PARG: variants seen among roughly 807,000 people sequenced by gnomAD.
PARG encodes mitochondrial poly(ADP-ribose) glycohydrolase.
In PARG, 35 loss-of-function variants were observed where a neutral mutation model predicts 113.0. The ratio of observed to expected loss-of-function variants is 0.31; its 90% CI spans 0.24 to 0.41. PARG has a LOEUF of 0.41. PARG is among the 10% of genes least tolerant of loss of function. The probability of loss-of-function intolerance (pLI) is 1.00; values close to 1 mark genes in which losing one functional copy is unlikely to be tolerated. For missense variants in PARG, 797 were observed against 1,169.4 expected (o/e 0.68, Z 4.64); for synonymous variants, 330 against 409.9 (o/e 0.81, Z 2.36).
intron 7 of PARG, among the ~76,000 whole-genome samples, chr10:49,890,251 G>A (rs1847701716): frequency 6.6e-6 from 1 of 152,100 alleles, no homozygotes; most frequent in Admixed American, 6.5e-5. Context: ...CAAGTGTTTT[G>A]ATCTGTGCGT....
Position 49,857,412 on chromosome 10 carries a change from A to G in PARG, c.2247T>C (p.Ser749=), listed in dbSNP as rs782703568. The change falls in exon 13 of 18, where the codon AGT becomes AGC. Residue 749 remains serine, a synonymous_variant. Transcript: ENST00000616448. The part of the protein sequence containing the change: ...ANRFVGGGVT[S]AGLVQEEIRF... ...GGATTTCTTCTTGCACAAGTCCTGC[A>G]CTGGTTACACCACCTCCAACAAAAC... 2.5e-6 allele frequency: 4 copies of G among 1,610,850 alleles called. No homozygotes were observed. In the South Asian group the frequency reaches 3.3e-5, roughly 13 times the overall value.
In PARG at chr10:49,841,965, T is replaced by A; in HGVS notation, c.2526A>T (p.Arg842Ser). 1 of 1,547,370 alleles carries A rather than the reference T, an allele frequency of 6.5e-7. No homozygotes were observed. The highest frequency in any genetic ancestry group is 2.4e-5 in the East Asian group (1 of 40,906). Residue 842 changes from arginine to serine, a missense_variant, in exon 15 of 18, where the codon AGA (arginine) becomes AGT (serine). Coordinates refer to ENST00000616448, the MANE Select transcript of PARG (RefSeq NM_003631.5). ...GGTTACTGGCCTTGTTCAGCTCGCG[T>A]CTCATTTTCTCAGGCACAAACTGAT... Reference protein sequence around the residue: ...YLDQFVPEKMRRELNKAYCGF... With the variant: ...YLDQFVPEKMSRELNKAYCGF...
At position 49,941,565 on chromosome 10, in the gene PARG, G is replaced by A; in HGVS notation, c.161C>T (p.Ser54Leu). 3 of 1,560,288 alleles carry A rather than the reference G, an allele frequency of 1.9e-6. No individual in the cohort carries two copies. Among genetic ancestry groups the A allele is most frequent in the East Asian group, 2.4e-5 (1 of 41,486 alleles). The change falls in exon 1 of 18, where the codon TCG becomes TTG. Residue 54 changes from serine (S) to leucine (L), a missense_variant. Around this residue, in one of 5 missense-constraint regions of PARG, gnomAD observed 284 missense variants for 306.1 expected, o/e 0.93. Transcript: ENST00000616448. ...AHVQFRVPPS[S>L]PACVPGRAGQ... is the part of the protein sequence containing the mutation. ...CGCCCGCCCTGGGACGCAGGCTGGC[G>A]AGGACGGTGGGACCCTGAACTGCAC...
In PARG at chr10:49,941,996, G is replaced by C; in HGVS notation, c.-271C>G. 1.1e-6 allele frequency: 1 copy of C among 932,054 alleles called. No individual in the cohort carries two copies. The highest frequency in any genetic ancestry group is 1.6e-6 in the Non-Finnish European group (1 of 613,132). The allele number at this position is 932,054 out of a possible 1,614,324, so 57.7% of individuals were successfully genotyped here. A position where few individuals can be genotyped will look rare whatever the true frequency, so the allele number is the denominator to read the frequency against. Reference sequence around the variant, plus strand: ...ACTTTCCCACCACCGGAAAGCTGCCGTCAGGCGCTTCCGGCTTCCGGGGCG... The same window carrying C: ...ACTTTCCCACCACCGGAAAGCTGCCCTCAGGCGCTTCCGGCTTCCGGGGCG... On this transcript the variant is annotated 5_prime_UTR_variant, in exon 1 of 18. Transcript: ENST00000616448.
intron 11 of PARG, among the ~76,000 whole-genome samples, chr10:49,862,244 G>C (rs1554836100): frequency 6.6e-6 from 1 of 151,844 alleles, no homozygotes; most frequent in Non-Finnish European, 1.5e-5. Flanking sequence ...TGGCCACTGA[G>C]GTATTGACTT....
chr10:49,819,367 G>C lies in PARG; in HGVS notation c.2904C>G (p.Asp968Glu). The change falls in exon 18 of 18, where the codon GAC becomes GAG. Residue 968 changes from aspartate (D) to glutamate (E), a missense_variant. Asp to Glu is a conservative substitution (Grantham distance 45). Around this residue, in one of 5 missense-constraint regions of PARG, gnomAD observed 194 missense variants for 247.1 expected, o/e 0.79. Transcript: ENST00000616448. ...AGGTCCCTGTCCTTTGCCCTGAATGGTCAGCGGTCTCTGCACAGGACTCGA... is the reference window on the plus strand; with the variant it reads ...AGGTCCCTGTCCTTTGCCCTGAATGCTCAGCGGTCTCTGCACAGGACTCGA... ...HAVESCAETA[D>E]HSGQRTGT The C allele has an allele frequency of 6.4e-7, 1 of 1,551,554 alleles. No homozygotes were observed. Among genetic ancestry groups the C allele is most frequent in the Non-Finnish European group, 8.7e-7 (1 of 1,146,902 alleles).
intron 7 of PARG, among the ~76,000 whole-genome samples, chr10:49,901,794 G>C (rs1848358676): frequency 6.6e-6 from 1 of 152,138 alleles, no homozygotes; most frequent in Non-Finnish European, 1.5e-5. Context: ...TCAAAATGCA[G>C]TCAAACAATG....
At chr10:49,882,958 A>G (rs1847286957) in intron 8 of PARG, among the ~76,000 whole-genome samples, 1 of 144,198 alleles carries the variant, frequency 6.9e-6, no homozygotes, top group African/African-American at 2.6e-5. Flanking sequence ...TTTACTAAGT[A>G]AGGAGAGAAA....
intron 7 of PARG, among the ~76,000 whole-genome samples, chr10:49,912,961 T>C (rs1249089793): frequency 2.0e-5 from 3 of 152,142 alleles, no homozygotes; most frequent in Non-Finnish European, 4.4e-5. Context: ...AATAAAAAAA[T>C]AAAAGAACCC....
At chr10:49,866,240 G>C (rs1846507499) in intron 10 of PARG, among the ~76,000 whole-genome samples, 1 of 151,968 alleles carries the variant, frequency 6.6e-6, no homozygotes, top group South Asian at 2.1e-4. Flanking sequence ...TGCCATTTCT[G>C]TTTTCTTGAA....
At chr10:49,899,042 T>A (rs1459451182) in intron 7 of PARG, among the ~76,000 whole-genome samples, 15 of 152,224 alleles carry the variant, frequency 9.9e-5, no homozygotes, top group African/African-American at 3.6e-4. Context: ...TCAATAAAAA[T>A]ATGTTAAATT....
At chr10:49,901,024 T>G (rs1470686841) in intron 7 of PARG, among the ~76,000 whole-genome samples, 11 of 152,024 alleles carry the variant, frequency 7.2e-5, no homozygotes, top group African/African-American at 2.4e-5. Flanking sequence ...GAGCAATAAC[T>G]TCAATCTTTT....
intron 6 of PARG, 101 bp downstream of exon 6, chr10:49,922,235 C>T: frequency 8.1e-7 from 1 of 1,236,472 alleles, no homozygotes; most frequent in Non-Finnish European, 1.1e-6. Context: ...AAGCATTTTG[C>T]ATCTAAACAA....
At chr10:49,919,893 C>T (rs190249054) in intron 6 of PARG, among the ~76,000 whole-genome samples, 3 of 152,194 alleles carry the variant, frequency 2.0e-5, no homozygotes, top group Admixed American at 1.3e-4. Context: ...CACCAACATC[C>T]ATCAACTGTT....
chr10:49,915,694 T>C (rs1486028936), intron 7 of PARG, among the ~76,000 whole-genome samples: 3 of 152,130 alleles, frequency 2.0e-5, no homozygotes, highest in Middle Eastern at 3.2e-3. Context: ...ATAATGCTGA[T>C]AATGGTATGA....
chr10:49,933,943 C>T lies in PARG; in HGVS notation c.505G>A (p.Glu169Lys). 1.5e-5 allele frequency: 24 copies of T among 1,603,864 alleles called. No individual in the cohort carries two copies. Among genetic ancestry groups the T allele is most frequent in the Non-Finnish European group, 2.1e-5 (24 of 1,170,644 alleles). ...NEGKHTEQLL[E>K]SEPQTVTLVP... is the part of the protein sequence containing the mutation. ...AGGGTTACTGTTTGAGGTTCACTTT[C>T]CAAAAGCTGCTCCGTGTGTTTCCCT... Residue 169 changes from glutamate (E) to lysine (K), a missense_variant, in exon 3 of 18, where the codon GAA (glutamate) becomes AAA (lysine). Physicochemically the swap from Glu to Lys is moderately conservative, Grantham distance 56. Transcript: ENST00000616448.
chr10:49,924,458 TGAG>T lies in PARG; in HGVS notation c.1456-1792_1456-1790del, dbSNP rs200020486. Among the ~76,000 whole-genome samples, 902 of 151,728 alleles carry T rather than the reference TGAG, an allele frequency of 5.9e-3. 8 individuals are homozygous for T. Among genetic ancestry groups the T allele is most frequent in the African/African-American group, 0.021 (867 of 41,416 alleles). ...CTGGTAAACTTAGGTAAGGCTTCCT[TGAG>T]GAAGTGGCAACTGAGCTTAACTCTA... On this transcript the variant is annotated intron_variant, in intron 4 of 17. Transcript: ENST00000616448.
At chr10:49,937,555 A>C (rs1460272859) in intron 1 of PARG, among the ~76,000 whole-genome samples, 1 of 152,186 alleles carries the variant, frequency 6.6e-6, no homozygotes, top group Non-Finnish European at 1.5e-5. Context: ...AGAAGTTAAA[A>C]CATCTTTTTT....
chr10:49,833,370 C>T (rs1486556755), intron 15 of PARG: 1 of 152,312 alleles, frequency 6.6e-6, no homozygotes, highest in Admixed American at 6.5e-5. Flanking sequence ...GCCTCCTCAG[C>T]ATTCTCTCTC....
Sources: allele counts gnomAD v4.1 joint callset (sites outside exome capture counted in the v4.1 genomes callset), GRCh38; gene constraint gnomAD v4.1.1; regional missense constraint gnomAD v4.1.1; transcripts MANE v1.5; gene names NCBI Gene and HGNC (gene_info 2026-07-23, HGNC 2026-07-21).